The following XNDC1N variants were observed in gnomAD, a reference collection of about 807,000 sequenced individuals.
The protein encoded by XNDC1N is protein XNDC1N.
chr11:71,916,195 G>A, the XNDC1N span: 4 of 702,932 alleles, frequency 5.7e-6, no homozygotes, highest in Admixed American at 6.0e-5. Flanking sequence ...GAAGGGTCGG[G>A]AGCAGGTCAG....
At chr11:71,890,013 G>A in the XNDC1N span, among the ~76,000 whole-genome samples, 1 of 152,138 alleles carries the variant, frequency 6.6e-6, no homozygotes, top group Non-Finnish European at 1.5e-5. Flanking sequence ...CAAAGGTATT[G>A]GGGATCACAC....
chr11:71,918,624 C>T, the XNDC1N span, among the ~76,000 whole-genome samples: 1 of 152,128 alleles, frequency 6.6e-6, no homozygotes, highest in African/African-American at 2.4e-5. Flanking sequence ...TTACCCAGGC[C>T]ACTAAGATCA....
the XNDC1N span, among the ~76,000 whole-genome samples, chr11:71,882,497 C>T: frequency 2.4e-4 from 37 of 152,232 alleles, no homozygotes; most frequent in African/African-American, 8.7e-4. Flanking sequence ...TCCCAAAGTG[C>T]CAGGATTAAA....
chr11:71,882,210 T>C, the XNDC1N span, among the ~76,000 whole-genome samples: 1 of 144,500 alleles, frequency 6.9e-6, no homozygotes, highest in African/African-American at 2.7e-5. Flanking sequence ...ATATTTAAAA[T>C]GTTAAAAAAA....
the XNDC1N span, among the ~76,000 whole-genome samples, chr11:71,877,592 C>G: frequency 6.6e-6 from 1 of 152,186 alleles, no homozygotes; most frequent in African/African-American, 2.4e-5. Flanking sequence ...GAGCCAAGAT[C>G]GCACCACTGC....
At chr11:71,928,288 C>A in the XNDC1N span, 1 of 600,738 alleles carries the variant, frequency 1.7e-6, no homozygotes, top group Non-Finnish European at 3.0e-6. Flanking sequence ...ACAGGCTGCT[C>A]AGTTCATTTC....
At chr11:71,910,228 A>G in the XNDC1N span, among the ~76,000 whole-genome samples, 1 of 152,206 alleles carries the variant, frequency 6.6e-6, no homozygotes, top group Non-Finnish European at 1.5e-5. Context: ...CGCTTGCTTC[A>G]TCAAGCTAAA....
At chr11:71,911,055 G>C in the XNDC1N span, among the ~76,000 whole-genome samples, 1 of 152,268 alleles carries the variant, frequency 6.6e-6, no homozygotes, top group Non-Finnish European at 1.5e-5. Context: ...GCCGAGGCCA[G>C]TGGCCTACAT....
chr11:71,919,927 CTCTTTTTTTTTTTTTTTT>C, the XNDC1N span, among the ~76,000 whole-genome samples: 4 of 67,266 alleles, frequency 5.9e-5, 1 homozygote, highest in African/African-American at 2.0e-4. Flanking sequence ...AAAAGCAGGC[CTCTTTTTTTTTTTTTTTT>C]TTTTTTTTTT....
chr11:71,877,380 G>A, the XNDC1N span, among the ~76,000 whole-genome samples: 1 of 152,220 alleles, frequency 6.6e-6, no homozygotes, highest in Non-Finnish European at 1.5e-5. Flanking sequence ...GCTCACCCCT[G>A]TAATCCCAGC....
chr11:71,887,167 G>A, the XNDC1N span, among the ~76,000 whole-genome samples: 3 of 152,240 alleles, frequency 2.0e-5, no homozygotes, highest in South Asian at 4.2e-4. Flanking sequence ...TGTAGATAGC[G>A]GTGCTGAACA....
chr11:71,880,555 A>G, the XNDC1N span, among the ~76,000 whole-genome samples: 1 of 151,844 alleles, frequency 6.6e-6, no homozygotes, highest in African/African-American at 2.4e-5. Context: ...CCTTCTCCTA[A>G]GTTTGGATTT....
At chr11:71,910,495 A>G in the XNDC1N span, among the ~76,000 whole-genome samples, 6 of 152,208 alleles carry the variant, frequency 3.9e-5, no homozygotes. Flanking sequence ...CGAGACCTCC[A>G]GAAGTTTCCC....
the XNDC1N span, among the ~76,000 whole-genome samples, chr11:71,885,801 A>T: frequency 2.0e-5 from 3 of 151,914 alleles, no homozygotes; most frequent in Non-Finnish European, 4.4e-5. Flanking sequence ...AATTCTTAGG[A>T]GCTAATATTA....
chr11:71,890,449 G>C, the XNDC1N span, among the ~76,000 whole-genome samples: 1 of 152,116 alleles, frequency 6.6e-6, no homozygotes, highest in African/African-American at 2.4e-5. Flanking sequence ...CAATATCTCA[G>C]GGATAGTGTA....
chr11:71,902,466 C>T, the XNDC1N span, among the ~76,000 whole-genome samples: 24 of 152,304 alleles, frequency 1.6e-4, no homozygotes, highest in African/African-American at 5.8e-4. Context: ...GTTGGGATTA[C>T]CGGCGTGAGC....
At chr11:71,923,113 T>C in the XNDC1N span, among the ~76,000 whole-genome samples, 1 of 152,240 alleles carries the variant, frequency 6.6e-6, no homozygotes, top group East Asian at 1.9e-4. Context: ...TTTCAACTTC[T>C]GAGAAGACTT....
chr11:71,896,629 T>C, the XNDC1N span, among the ~76,000 whole-genome samples: 3,062 of 147,276 alleles, frequency 0.021, no homozygotes, highest in African/African-American at 0.08. Context: ...CATGGTGCAA[T>C]CTTGGCTCAC....
At chr11:71,886,882 C>G in the XNDC1N span, among the ~76,000 whole-genome samples, 2 of 152,154 alleles carry the variant, frequency 1.3e-5, no homozygotes, top group Non-Finnish European at 2.9e-5. Context: ...CACAAAGAGG[C>G]AAGGGAAGGG....
Sources: gnomAD v4.1 joint callset for allele counts (sites outside exome capture counted in the v4.1 genomes callset) on GRCh38, gnomAD v4.1.1 for gene constraint, MANE v1.5 for transcripts, NCBI Gene and HGNC (gene_info 2026-07-23, HGNC 2026-07-21) for gene names.